Variants in SUGCT observed in about 807,000 individuals in gnomAD.
SUGCT encodes succinyl-CoA:glutarate CoA-transferase.
A neutral mutation model predicts 55.0 loss-of-function variants in SUGCT; 41 were observed. That is an observed-to-expected ratio of 0.74 (90% CI 0.58 to 0.97). The LOEUF (loss-of-function observed/expected upper bound fraction) is 0.97. Among genes scored for constraint, SUGCT ranks in the 50% least tolerant of loss-of-function variants. SUGCT has a pLI of 0.00. For synonymous variants in SUGCT, 187 were observed against 200.4 expected (o/e 0.93, Z 0.56); for missense variants, 568 against 547.8 (o/e 1.04, Z -0.37).
chr7:40,382,825 A>G (rs959734557), intron 9 of SUGCT, among the ~76,000 whole-genome samples: 5 of 152,186 alleles, frequency 3.3e-5, no homozygotes, highest in Non-Finnish European at 7.4e-5. Context: ...TTGTGAGATG[A>G]CGTACTCATA....
At chr7:40,658,788 C>T (rs1182301850) in intron 12 of SUGCT, among the ~76,000 whole-genome samples, 1 of 152,212 alleles carries the variant, frequency 6.6e-6, no homozygotes, top group Non-Finnish European at 1.5e-5. Flanking sequence ...ACACCCCTCA[C>T]AGGGTGGGGT....
chr7:40,246,536 C>G (rs1441832391), intron 7 of SUGCT, among the ~76,000 whole-genome samples: 1 of 151,892 alleles, frequency 6.6e-6, no homozygotes, highest in Non-Finnish European at 1.5e-5. Context: ...CAGATGTGAG[C>G]CACCTCACCC....
chr7:40,511,377 T>C (rs1792920975), intron 12 of SUGCT, among the ~76,000 whole-genome samples: 1 of 152,118 alleles, frequency 6.6e-6, no homozygotes, highest in African/African-American at 2.4e-5. Context: ...AAGAACAGTT[T>C]CAGACTGGAG....
chr7:40,303,231 A>C (rs1794642549), intron 8 of SUGCT, among the ~76,000 whole-genome samples: 1 of 151,482 alleles, frequency 6.6e-6, no homozygotes, highest in Non-Finnish European at 1.5e-5. Flanking sequence ...ATGGGGTTTC[A>C]TCATGTTGAC....
intron 12 of SUGCT, among the ~76,000 whole-genome samples, chr7:40,690,207 C>T (rs575494487): frequency 6.6e-6 from 1 of 152,204 alleles, no homozygotes; most frequent in Non-Finnish European, 1.5e-5. Flanking sequence ...ATAATGGTTA[C>T]AATTTGGTTG....
At chr7:40,853,728 C>T (rs1182669431) in intron 13 of SUGCT, among the ~76,000 whole-genome samples, 1 of 152,128 alleles carries the variant, frequency 6.6e-6, no homozygotes, top group Non-Finnish European at 1.5e-5. Flanking sequence ...TTAATTAACC[C>T]TTTAAAGAGC....
At chr7:40,507,758 A>G (rs144098882) in intron 12 of SUGCT, among the ~76,000 whole-genome samples, 2 of 152,240 alleles carry the variant, frequency 1.3e-5, no homozygotes, top group Non-Finnish European at 2.9e-5. Context: ...ATGCAACCTG[A>G]TGAATACTTT....
At chr7:40,148,897 A>G (rs1234034626) in intron 1 of SUGCT, among the ~76,000 whole-genome samples, 8 of 152,350 alleles carry the variant, frequency 5.3e-5, no homozygotes, top group Admixed American at 5.2e-4. Context: ...TCTGAGAGAC[A>G]GGCTTTATCT....
the SUGCT span, among the ~76,000 whole-genome samples, chr7:41,005,340 T>G: frequency 6.6e-6 from 1 of 152,060 alleles, no homozygotes; most frequent in Non-Finnish European, 1.5e-5. Flanking sequence ...ATGTTAATAT[T>G]AGATTGGAAA....
At chr7:40,335,306 G>A (rs1230747703) in intron 9 of SUGCT, among the ~76,000 whole-genome samples, 1 of 152,004 alleles carries the variant, frequency 6.6e-6, no homozygotes, top group Non-Finnish European at 1.5e-5. Context: ...TAGCTTGATG[G>A]GGATGGCATT....
intron 13 of SUGCT, among the ~76,000 whole-genome samples, chr7:40,786,343 T>A (rs576425169): frequency 2.0e-5 from 3 of 152,190 alleles, no homozygotes; most frequent in African/African-American, 7.2e-5. Context: ...ATAAGATATG[T>A]GTTATAGGAT....
chr7:40,265,957 A>G (rs1226942472), intron 7 of SUGCT, among the ~76,000 whole-genome samples: 2 of 130,592 alleles, frequency 1.5e-5, no homozygotes, highest in South Asian at 2.6e-4. Context: ...TCTCAAAAAA[A>G]ACCACACACA....
intron 12 of SUGCT, among the ~76,000 whole-genome samples, chr7:40,705,363 C>T (rs1785350414): frequency 6.6e-6 from 1 of 152,142 alleles, no homozygotes; most frequent in South Asian, 2.1e-4. Context: ...ATGAACACCA[C>T]AATCAAGAGG....
intron 12 of SUGCT, among the ~76,000 whole-genome samples, chr7:40,526,314 T>A (rs1363797104): frequency 6.6e-6 from 1 of 152,176 alleles, no homozygotes; most frequent in Non-Finnish European, 1.5e-5. Flanking sequence ...TAATATGCCA[T>A]GAAGAATGCT....
intron 9 of SUGCT, among the ~76,000 whole-genome samples, chr7:40,389,926 C>T (rs1355545776): frequency 1.3e-5 from 2 of 152,190 alleles, no homozygotes; most frequent in African/African-American, 4.8e-5. Flanking sequence ...CATCAAAAAG[C>T]TTATCCACCA....
At chr7:40,809,340 GC>G (rs1158875146) in intron 13 of SUGCT, among the ~76,000 whole-genome samples, 2 of 151,910 alleles carry the variant, frequency 1.3e-5, no homozygotes, top group Non-Finnish European at 2.9e-5. Flanking sequence ...TACCATATAT[GC>G]CAATGATATT....
chr7:40,176,905 G>A (rs971237154), intron 1 of SUGCT, among the ~76,000 whole-genome samples: 1 of 150,144 alleles, frequency 6.7e-6, no homozygotes, highest in African/African-American at 2.5e-5. Flanking sequence ...CCTGGGAAGC[G>A]GAGATTGCAG....
chr7:40,922,722 C>A, the SUGCT span, among the ~76,000 whole-genome samples: 1 of 152,222 alleles, frequency 6.6e-6, no homozygotes, highest in Non-Finnish European at 1.5e-5. Context: ...GTGCCCTTGA[C>A]AGTTGCCTCG....
chr7:40,664,769 A>G (rs1184051023), intron 12 of SUGCT, among the ~76,000 whole-genome samples: 1 of 152,004 alleles, frequency 6.6e-6, no homozygotes, highest in Non-Finnish European at 1.5e-5. Flanking sequence ...TCACGAGGTC[A>G]GGAGATCGAG....
Sources: gnomAD v4.1 joint callset for allele counts (sites outside exome capture counted in the v4.1 genomes callset) on GRCh38, gnomAD v4.1.1 for gene constraint, MANE v1.5 for transcripts, NCBI Gene and HGNC (gene_info 2026-07-23, HGNC 2026-07-21) for gene names.